Variants in HMGCLL1 observed in about 807,000 individuals in gnomAD.
HMGCLL1 encodes 3-hydroxymethyl-3-methylglutaryl-CoA lyase, cytoplasmic.
In HMGCLL1, 36 loss-of-function variants were observed where a neutral mutation model predicts 39.1. The ratio of observed to expected loss-of-function variants is 0.92; its 90% CI spans 0.71 to 1.22. The LOEUF is 1.22. HMGCLL1 is among the 50% of genes most tolerant of loss of function. The probability of loss-of-function intolerance (pLI) is 0.00; values close to 1 mark genes in which losing one functional copy is unlikely to be tolerated. For missense variants in HMGCLL1, 451 were observed against 416.5 expected, an observed-to-expected ratio of 1.08 and a Z score of -0.72; for synonymous variants, 149 against 144.0, an observed-to-expected ratio of 1.03 and a Z score of -0.25.
chr6:55,667,395 C>T, the HMGCLL1 span, among the ~76,000 whole-genome samples: 1 of 151,724 alleles, frequency 6.6e-6, no homozygotes, highest in Non-Finnish European at 1.5e-5. Flanking sequence ...CTCATTTAAT[C>T]CTCTCAGTAA....
At chr6:55,638,343 GT>G in the HMGCLL1 span, among the ~76,000 whole-genome samples, 1 of 151,306 alleles carries the variant, frequency 6.6e-6, no homozygotes, top group Non-Finnish European at 1.5e-5. Flanking sequence ...GGAGGCATAG[GT>G]TGCAGTGAGC....
chr6:55,506,987 A>G (rs1284863332), intron 5 of HMGCLL1, among the ~76,000 whole-genome samples: 1 of 151,758 alleles, frequency 6.6e-6, no homozygotes, highest in East Asian at 1.9e-4. Context: ...ACAGCATGTG[A>G]TAAGCTCTTA....
intron 1 of HMGCLL1, among the ~76,000 whole-genome samples, chr6:55,556,801 T>C (rs1032184816): frequency 1.3e-5 from 2 of 152,142 alleles, no homozygotes; most frequent in Non-Finnish European, 2.9e-5. Context: ...GTGGAGACGC[T>C]GAGAGTACAT....
chr6:55,509,704 A>G (rs1410993147), intron 5 of HMGCLL1, among the ~76,000 whole-genome samples: 1 of 151,922 alleles, frequency 6.6e-6, no homozygotes, highest in Non-Finnish European at 1.5e-5. Context: ...GTTAAAAAAA[A>G]TAATTAAACA....
intron 1 of HMGCLL1, among the ~76,000 whole-genome samples, chr6:55,548,525 G>GTCGGC (rs1770121201): frequency 6.6e-6 from 1 of 151,900 alleles, no homozygotes; most frequent in African/African-American, 2.4e-5. Flanking sequence ...GTAGAAAGAT[G>GTCGGC]GACAAGGTAA....
chr6:55,631,983 T>G, the HMGCLL1 span, among the ~76,000 whole-genome samples: 1 of 152,130 alleles, frequency 6.6e-6, no homozygotes, highest in African/African-American at 2.4e-5. Flanking sequence ...TTTTCTGAAA[T>G]TAGTTTCTAT....
chr6:55,575,885 C>T (rs1771737275), intron 1 of HMGCLL1, among the ~76,000 whole-genome samples: 1 of 152,142 alleles, frequency 6.6e-6, no homozygotes, highest in Non-Finnish European at 1.5e-5. Flanking sequence ...CTACAGTGTG[C>T]CAATCATTTT....
the HMGCLL1 span, among the ~76,000 whole-genome samples, chr6:55,628,931 C>T: frequency 3.3e-5 from 5 of 152,090 alleles, no homozygotes; most frequent in Admixed American, 1.3e-4. Context: ...TCCATTAAAC[C>T]TCTTTCTTTT....
chr6:55,507,038 T>C (rs1317475959), intron 5 of HMGCLL1, among the ~76,000 whole-genome samples: 1 of 151,646 alleles, frequency 6.6e-6, no homozygotes, highest in Non-Finnish European at 1.5e-5. Context: ...GTGGAAGACA[T>C]GAACAGAAAA....
rs778695402 is a variant in HMGCLL1, at chr6:55,579,104, A to G, written c.-49T>C. On this transcript the variant is annotated 5_prime_UTR_variant, in exon 1 of 9. Transcript: ENST00000274901. Reference sequence around the variant, plus strand: ...GCGAGGGGAGGGAGACTGGAGGAGGATGAGGGGCGGGCACCGCGCTGGGAA... The same window carrying G: ...GCGAGGGGAGGGAGACTGGAGGAGGGTGAGGGGCGGGCACCGCGCTGGGAA... 2 of 1,410,022 alleles carry G rather than the reference A, an allele frequency of 1.4e-6. No individual in the cohort carries two copies. The highest frequency in any genetic ancestry group is 2.0e-6 in the Non-Finnish European group (2 of 1,011,508). 87.3% of individuals were successfully genotyped at this position (1,410,022 alleles called of 1,614,324 possible). A position where few individuals can be genotyped will look rare whatever the true frequency, so the allele number is the denominator to read the frequency against.
chr6:55,641,013 T>C, the HMGCLL1 span, among the ~76,000 whole-genome samples: 1 of 151,752 alleles, frequency 6.6e-6, no homozygotes, highest in Non-Finnish European at 1.5e-5. Flanking sequence ...AATGTCTAAA[T>C]CAAAATATAA....
chr6:55,435,573 A>T lies in HMGCLL1; in HGVS notation c.*89T>A. 1.6e-6 allele frequency: 1 copy of T among 619,740 alleles called. No individual in the cohort carries two copies. Among genetic ancestry groups the T allele is most frequent in the Non-Finnish European group, 2.8e-6 (1 of 360,654 alleles). 38.4% of individuals were successfully genotyped at this position (619,740 alleles called of 1,614,324 possible). On this transcript the variant is annotated 3_prime_UTR_variant, in exon 9 of 9. Transcript: ENST00000274901. ...TTCCCACTCTTGTCCATTACTTCAC[A>T]TATCAGAGCAAGTTGGCATTAATGA...
the HMGCLL1 span, among the ~76,000 whole-genome samples, chr6:55,603,234 A>G: frequency 6.6e-6 from 1 of 152,126 alleles, no homozygotes; most frequent in Non-Finnish European, 1.5e-5. Context: ...ATATTACATA[A>G]CCTAAGAGAA....
the HMGCLL1 span, among the ~76,000 whole-genome samples, chr6:55,649,495 G>A: frequency 6.7e-6 from 1 of 150,116 alleles, no homozygotes; most frequent in South Asian, 2.1e-4. Context: ...TCTTGCTGCT[G>A]TTAGGATCCT....
chr6:55,607,713 T>G, the HMGCLL1 span, among the ~76,000 whole-genome samples: 1 of 152,210 alleles, frequency 6.6e-6, no homozygotes, highest in Non-Finnish European at 1.5e-5. Flanking sequence ...ACTCTTGCTT[T>G]CTTCCCTTCC....
chr6:55,635,165 T>A, the HMGCLL1 span, among the ~76,000 whole-genome samples: 1 of 151,776 alleles, frequency 6.6e-6, no homozygotes, highest in East Asian at 1.9e-4. Context: ...AAAAAAAAAA[T>A]CATATGCCCA....
intron 3 of HMGCLL1, among the ~76,000 whole-genome samples, chr6:55,523,214 AAG>A (rs1261240379): frequency 1.3e-5 from 2 of 151,954 alleles, no homozygotes; most frequent in Non-Finnish European, 2.9e-5. Context: ...GCCCTCTAAC[AAG>A]AGAGATTTTA....
At chr6:55,500,964 C>G (rs1766850501) in intron 5 of HMGCLL1, among the ~76,000 whole-genome samples, 2 of 151,798 alleles carry the variant, frequency 1.3e-5, no homozygotes, top group African/African-American at 4.8e-5. Flanking sequence ...AAATGCAAAA[C>G]AAAACAAACC....
At chr6:55,485,668 A>C (rs1469401234) in intron 7 of HMGCLL1, among the ~76,000 whole-genome samples, 4 of 152,032 alleles carry the variant, frequency 2.6e-5, no homozygotes, top group African/African-American at 9.7e-5. Flanking sequence ...AATTTAAAAA[A>C]TACAAATAAT....
Sources: gnomAD v4.1 joint callset for allele counts (sites outside exome capture counted in the v4.1 genomes callset) on GRCh38, gnomAD v4.1.1 for gene constraint, MANE v1.5 for transcripts, NCBI Gene and HGNC (gene_info 2026-07-23, HGNC 2026-07-21) for gene names.